The following MICU1 variants were observed in gnomAD, a reference collection of about 807,000 sequenced individuals.
MICU1 encodes calcium uptake protein 1, mitochondrial.
A neutral mutation model predicts 56.8 loss-of-function variants in MICU1; 45 were observed. That is an observed-to-expected ratio of 0.79 (90% confidence interval 0.62 to 1.02). MICU1 has a LOEUF of 1.02. MICU1 is among the 50% of genes least tolerant of loss of function. The probability of loss-of-function intolerance (pLI) is 0.00; values close to 1 mark genes in which losing one functional copy is unlikely to be tolerated. For synonymous variants in MICU1, 186 were observed against 195.1 expected (o/e 0.95, Z 0.39); for missense variants, 504 against 587.1 (o/e 0.86, Z 1.46).
intron 8 of MICU1, among the ~76,000 whole-genome samples, chr10:72,470,239 G>A (rs1279373321): frequency 1.3e-5 from 2 of 152,308 alleles, no homozygotes; most frequent in African/African-American, 2.4e-5. Context: ...CTATACTCTT[G>A]CTGCTAGTCA....
intron 1 of MICU1, among the ~76,000 whole-genome samples, chr10:72,576,243 A>AAG (rs1840741754): frequency 6.6e-6 from 1 of 151,408 alleles, no homozygotes; most frequent in African/African-American, 2.4e-5. Flanking sequence ...AAAAAAAAAA[A>AAG]AAAAAGCTAG....
intron 4 of MICU1, among the ~76,000 whole-genome samples, chr10:72,549,099 G>C (rs558874600): frequency 6.6e-6 from 1 of 151,994 alleles, no homozygotes; most frequent in East Asian, 1.9e-4. Flanking sequence ...AATAATGTGG[G>C]CAAAATATTA....
At chr10:72,383,773 CTAAA>C (rs1373171238) in intron 10 of MICU1, among the ~76,000 whole-genome samples, 1 of 152,034 alleles carries the variant, frequency 6.6e-6, no homozygotes, top group East Asian at 1.9e-4. Flanking sequence ...AAATTAAAGA[CTAAA>C]TAGTCACCTT....
intron 1 of MICU1, among the ~76,000 whole-genome samples, chr10:72,573,768 A>G (rs1168437789): frequency 6.6e-6 from 1 of 152,188 alleles, no homozygotes; most frequent in East Asian, 1.9e-4. Context: ...CCCAGAAGGC[A>G]GTTGTTGCAT....
At chr10:72,489,335 A>C (rs1866581239) in intron 6 of MICU1, among the ~76,000 whole-genome samples, 1 of 151,720 alleles carries the variant, frequency 6.6e-6, no homozygotes. Flanking sequence ...AAAATAAAAA[A>C]AAAAGGAACT....
At chr10:72,521,201 A>G (rs1318575932) in intron 5 of MICU1, among the ~76,000 whole-genome samples, 2 of 152,156 alleles carry the variant, frequency 1.3e-5, no homozygotes, top group Non-Finnish European at 2.9e-5. Flanking sequence ...AAAAAAATGT[A>G]TCATAAGAAC....
At chr10:72,503,963 A>G (rs532213080) in intron 6 of MICU1, among the ~76,000 whole-genome samples, 2 of 152,166 alleles carry the variant, frequency 1.3e-5, no homozygotes, top group East Asian at 3.9e-4. Context: ...ACCACAAAAC[A>G]CTGCTGAAAG....
At chr10:72,393,698 C>T (rs1414189801) in intron 10 of MICU1, among the ~76,000 whole-genome samples, 1 of 152,178 alleles carries the variant, frequency 6.6e-6, no homozygotes, top group East Asian at 1.9e-4. Flanking sequence ...TGGAGGTAAA[C>T]TCAAGGATTT....
chr10:72,449,169 G>A (rs572370278), intron 8 of MICU1, among the ~76,000 whole-genome samples: 7 of 152,084 alleles, frequency 4.6e-5, no homozygotes, highest in Non-Finnish European at 8.8e-5. Flanking sequence ...AGGCTGAGGC[G>A]GGCAGATCAC....
intron 8 of MICU1, among the ~76,000 whole-genome samples, chr10:72,424,582 G>A (rs1438953042): frequency 6.6e-6 from 1 of 151,982 alleles, no homozygotes; most frequent in Admixed American, 6.6e-5. Context: ...CTCCTAAAGT[G>A]CTGGGATTAC....
Position 72,368,276 on chromosome 10 carries a change from G to A in MICU1, c.1350C>T (p.Asp450=), listed in dbSNP as rs1277487268. The change falls in exon 12 of 12, where the codon GAC becomes GAT. Residue 450 remains aspartate (D), a synonymous_variant. Coordinates refer to ENST00000361114, the MANE Select transcript of MICU1 (RefSeq NM_001195518.2). ...CCTGCATGAGGCGAGTGAAACCCAT[G>A]TCTTTGGGCTTTTCCAGGCCTCTCA... ...RLMRGLEKPK[D]MGFTRLMQAM... The A allele has an allele frequency of 2.5e-6, 4 of 1,613,912 alleles. No individual in the cohort carries two copies. The Admixed American group carries it at 6.7e-5, about 27-fold the overall frequency.
At chr10:72,570,366 C>T (rs79239887) in intron 1 of MICU1, among the ~76,000 whole-genome samples, 3,268 of 152,200 alleles carry the variant, frequency 0.021, 120 homozygotes, top group African/African-American at 0.075. Flanking sequence ...AACACATAGT[C>T]TAGCACAGGA....
chr10:72,476,801 T>C (rs148524432), intron 7 of MICU1, among the ~76,000 whole-genome samples: 1 of 152,256 alleles, frequency 6.6e-6, no homozygotes, highest in African/African-American at 2.4e-5. Context: ...TTCCTTCTCT[T>C]ATAGAAATCC....
intron 6 of MICU1, among the ~76,000 whole-genome samples, chr10:72,500,867 C>A (rs1867046889): frequency 6.6e-6 from 1 of 152,044 alleles, no homozygotes. Context: ...ATTCTGATAA[C>A]CCTTCTCTAT....
At chr10:72,413,218 AAAAACAAAAC>A (rs141304301) in intron 9 of MICU1, among the ~76,000 whole-genome samples, 1 of 151,778 alleles carries the variant, frequency 6.6e-6, no homozygotes, top group Non-Finnish European at 1.5e-5. Flanking sequence ...AAACAAAAAC[AAAAACAAAAC>A]AAAACAAAAC....
At chr10:72,564,582 C>T (rs1370714169) in intron 2 of MICU1, among the ~76,000 whole-genome samples, 1 of 150,508 alleles carries the variant, frequency 6.6e-6, no homozygotes, top group Admixed American at 6.6e-5. Context: ...AAATGGAGGC[C>T]TATAATTGCC....
At chr10:72,533,032 T>A (rs890484402) in intron 5 of MICU1, 25 of 1,289,362 alleles carry the variant, frequency 1.9e-5, no homozygotes, top group Non-Finnish European at 2.1e-5. Flanking sequence ...TCTGACTTCC[T>A]GTTCATTGTG....
At chr10:72,524,349 T>G (rs1266437233) in intron 5 of MICU1, among the ~76,000 whole-genome samples, 1 of 152,196 alleles carries the variant, frequency 6.6e-6, no homozygotes, top group Non-Finnish European at 1.5e-5. Flanking sequence ...GTGATCCTCC[T>G]GCCTCTGCCT....
chr10:72,377,736 T>A (rs1205215829), intron 10 of MICU1, among the ~76,000 whole-genome samples: 1 of 152,220 alleles, frequency 6.6e-6, no homozygotes, highest in Non-Finnish European at 1.5e-5. Flanking sequence ...ATGCTGGTAA[T>A]GAAGAGCTCT....
Sources: gnomAD v4.1 joint callset for allele counts (sites outside exome capture counted in the v4.1 genomes callset) on GRCh38, gnomAD v4.1.1 for gene constraint, MANE v1.5 for transcripts, NCBI Gene and HGNC (gene_info 2026-07-23, HGNC 2026-07-21) for gene names.